Variants in TULP4 observed in about 807,000 individuals in gnomAD.
TULP4 encodes TUB like protein 4, also known as tubby-related protein 4.
Under a neutral mutation model 129.0 loss-of-function variants are expected in TULP4, and 16 were observed. The ratio of observed to expected loss-of-function variants is 0.12; its 90% CI spans 0.08 to 0.19. The LOEUF is 0.19. Among genes scored for constraint, TULP4 ranks in the 10% least tolerant of loss-of-function variants. The pLI, the probability that TULP4 is intolerant of heterozygous loss-of-function variation, is 1.00. For missense variants in TULP4, 1,842 were observed against 2,059.1 expected (o/e 0.89, Z 2.04); for synonymous variants, 998 against 854.0 (o/e 1.17, Z -2.94).
intron 2 of TULP4, among the ~76,000 whole-genome samples, chr6:158,427,496 TTTTTTTTTTTTTTTTTG>T (rs1274325413): frequency 8.6e-5 from 4 of 46,414 alleles, no homozygotes; most frequent in Admixed American, 2.5e-4. Context: ...TTTTTTTTTT[TTTTTTTTTTTTTTTTTG>T]AGACGGAGTC....
chr6:158,358,641 A>G (rs756460477), intron 1 of TULP4, among the ~76,000 whole-genome samples: 1 of 152,252 alleles, frequency 6.6e-6, no homozygotes, highest in Non-Finnish European at 1.5e-5. Context: ...ATAAAAAGAC[A>G]TATGAGAAAC....
intron 1 of TULP4, among the ~76,000 whole-genome samples, chr6:158,300,950 G>A (rs907932794): frequency 2.0e-5 from 3 of 152,140 alleles, no homozygotes; most frequent in African/African-American, 7.2e-5. Context: ...TGAGCTTCTC[G>A]GATTGCAATA....
At chr6:158,439,711 T>TTTC (rs1778841297) in intron 3 of TULP4, among the ~76,000 whole-genome samples, 1 of 118,108 alleles carries the variant, frequency 8.5e-6, no homozygotes, top group Admixed American at 8.6e-5. Context: ...TTTTTTTTTT[T>TTTC]TTTTTTTTTT....
intron 1 of TULP4, among the ~76,000 whole-genome samples, chr6:158,393,240 C>T (rs1257884060): frequency 6.6e-6 from 1 of 152,204 alleles, no homozygotes; most frequent in African/African-American, 2.4e-5. Flanking sequence ...GGCAGGTCTG[C>T]CCCTGTGGCT....
chr6:158,394,956 T>A (rs565048350), intron 1 of TULP4, among the ~76,000 whole-genome samples: 1 of 152,132 alleles, frequency 6.6e-6, no homozygotes, highest in South Asian at 2.1e-4. Flanking sequence ...AGGAAGGTTC[T>A]TCACATGGTG....
chr6:158,354,991 C>G (rs549380019), intron 1 of TULP4, among the ~76,000 whole-genome samples: 41 of 151,696 alleles, frequency 2.7e-4, no homozygotes, highest in African/African-American at 9.7e-4. Flanking sequence ...CAGTTGTGTA[C>G]GTGGTGTGAG....
At chr6:158,271,374 T>G (rs888409981) in intron 1 of TULP4, among the ~76,000 whole-genome samples, 13 of 152,046 alleles carry the variant, frequency 8.6e-5, no homozygotes, top group African/African-American at 3.1e-4. Context: ...CAAGGAGACA[T>G]CTAACTCTCA....
At chr6:158,470,101 G>A (rs796106634) in intron 6 of TULP4, among the ~76,000 whole-genome samples, 8 of 152,310 alleles carry the variant, frequency 5.3e-5, no homozygotes, top group African/African-American at 1.9e-4. Flanking sequence ...CTCGATTAGG[G>A]TGAACACAGT....
chr6:158,475,386 G>T (rs1370888591), intron 6 of TULP4, among the ~76,000 whole-genome samples: 1 of 152,224 alleles, frequency 6.6e-6, no homozygotes, highest in Non-Finnish European at 1.5e-5. Context: ...AGATTTAGAC[G>T]TGTAAAATAT....
At chr6:158,452,098 T>C (rs1332999965) in intron 4 of TULP4, 36 bp from the exon 5 acceptor site, 6 of 1,608,698 alleles carry the variant, frequency 3.7e-6, no homozygotes, top group African/African-American at 1.3e-5. Flanking sequence ...GGTGGTGTGC[T>C]TCCCTCCTTT....
chr6:158,319,555 C>T (rs535493212), intron 1 of TULP4, among the ~76,000 whole-genome samples: 87 of 152,200 alleles, frequency 5.7e-4, no homozygotes, highest in Admixed American at 2.6e-4. Context: ...TTGAAGGGGT[C>T]AGATCTAGTC....
At chr6:158,501,587 G>A (rs1780446036) in intron 12 of TULP4, 91 bp from the exon 13 acceptor site, 2 of 1,287,552 alleles carry the variant, frequency 1.6e-6, no homozygotes, top group Non-Finnish European at 1.1e-6. Context: ...TTTACAGAAG[G>A]AGACTGGATG....
At chr6:158,317,762 A>G (rs9456288) in intron 1 of TULP4, among the ~76,000 whole-genome samples, 41 of 152,276 alleles carry the variant, frequency 2.7e-4, no homozygotes, top group African/African-American at 9.4e-4. Context: ...GAACTAGTCT[A>G]CACTCCCACC....
chr6:158,497,134 C>T (rs1365843980), intron 11 of TULP4, among the ~76,000 whole-genome samples: 4 of 152,186 alleles, frequency 2.6e-5, no homozygotes, highest in African/African-American at 7.2e-5. Flanking sequence ...ATTACAGGTG[C>T]GAGCTACCAT....
intron 5 of TULP4, among the ~76,000 whole-genome samples, chr6:158,458,601 G>A (rs2362576): frequency 0.42 from 63,569 of 151,998 alleles, 14,583 homozygotes; most frequent in African/African-American, 0.62. Context: ...CTCAAGTCTT[G>A]GGCAAAGATA....
chr6:158,347,069 C>T (rs138167914), intron 1 of TULP4, among the ~76,000 whole-genome samples: 41 of 152,268 alleles, frequency 2.7e-4, no homozygotes, highest in African/African-American at 9.4e-4. Context: ...TCTTATAGGG[C>T]TTTCAGCGAC....
At chr6:158,251,378 CAT>C (rs757357186) in intron 1 of TULP4, among the ~76,000 whole-genome samples, 15 of 152,112 alleles carry the variant, frequency 9.9e-5, no homozygotes, top group African/African-American at 2.2e-4. Flanking sequence ...ACTTCATTGT[CAT>C]GTGAGATTTA....
chr6:158,332,526 G>A (rs1011898964), intron 1 of TULP4, among the ~76,000 whole-genome samples: 2 of 152,114 alleles, frequency 1.3e-5, no homozygotes, highest in African/African-American at 4.8e-5. Flanking sequence ...CCATGCAGGG[G>A]ATGGGATGGA....
At chr6:158,232,944 G>A (rs953544352) in intron 1 of TULP4, among the ~76,000 whole-genome samples, 3 of 152,242 alleles carry the variant, frequency 2.0e-5, no homozygotes, top group African/African-American at 7.2e-5. Context: ...GTTTCCTCTG[G>A]CAAATCACGG....
Sources: gnomAD v4.1 joint callset for allele counts (sites outside exome capture counted in the v4.1 genomes callset) on GRCh38, gnomAD v4.1.1 for gene constraint, MANE v1.5 for transcripts, NCBI Gene and HGNC (gene_info 2026-07-23, HGNC 2026-07-21) for gene names.